The following RARB variants were observed in gnomAD, a reference collection of about 807,000 sequenced individuals.
The protein encoded by RARB is retinoic acid receptor beta.
A neutral mutation model predicts 51.9 loss-of-function variants in RARB; 17 were observed. The ratio of observed to expected loss-of-function variants is 0.33; its 90% CI spans 0.22 to 0.49. The LOEUF (loss-of-function observed/expected upper bound fraction) is 0.49. RARB is among the 20% of genes least tolerant of loss of function. The probability of loss-of-function intolerance (pLI) is 0.99; values close to 1 mark genes in which losing one functional copy is unlikely to be tolerated. For missense variants in RARB, 369 were observed against 550.8 expected, an observed-to-expected ratio of 0.67 and a Z score of 3.30; for synonymous variants, 215 against 195.4, an observed-to-expected ratio of 1.10 and a Z score of -0.84.
At chr3:24,878,408 C>A (rs778332357) in intron 2 of RARB, among the ~76,000 whole-genome samples, 17 of 151,580 alleles carry the variant, frequency 1.1e-4, no homozygotes, top group Non-Finnish European at 2.5e-4. Flanking sequence ...GTTTTACATG[C>A]TTTCCTCAGA....
chr3:25,282,629 C>G lies in RARB; in HGVS notation c.178+108054C>G, dbSNP rs147597076. Reference sequence around the variant, plus strand: ...ATAGATGGTGCTTGATAAATATTTGCTGAGTGGATCACGCGCTCACAGCAT... The same window carrying G: ...ATAGATGGTGCTTGATAAATATTTGGTGAGTGGATCACGCGCTCACAGCAT... On this transcript the variant is annotated intron_variant, in intron 5 of 11. Transcript: ENST00000383772. Among the ~76,000 whole-genome samples the G allele has an allele frequency of 3.4e-3, 517 of 152,266 alleles. 2 individuals carry two copies. The highest frequency in any genetic ancestry group is 0.012 in the African/African-American group (499 of 41,554).
intron 2 of RARB, among the ~76,000 whole-genome samples, chr3:25,016,812 C>T (rs1260702807): frequency 6.6e-6 from 1 of 152,038 alleles, no homozygotes; most frequent in Non-Finnish European, 1.5e-5. Flanking sequence ...ATCCTGTGCC[C>T]TCTCCACTCT....
intron 2 of RARB, among the ~76,000 whole-genome samples, chr3:25,017,625 C>T (rs1225899768): frequency 6.6e-6 from 1 of 152,114 alleles, no homozygotes; most frequent in Non-Finnish European, 1.5e-5. Flanking sequence ...AAGGTGGAAA[C>T]AGGAAGACAG....
chr3:25,141,773 C>G (rs1338596152), intron 4 of RARB, among the ~76,000 whole-genome samples: 1 of 152,104 alleles, frequency 6.6e-6, no homozygotes, highest in Admixed American at 6.6e-5. Flanking sequence ...AAGTATAAAT[C>G]AGTTTGGTAA....
At chr3:25,266,971 C>A (rs991307801) in intron 5 of RARB, among the ~76,000 whole-genome samples, 6 of 152,234 alleles carry the variant, frequency 3.9e-5, no homozygotes, top group Non-Finnish European at 5.9e-5. Flanking sequence ...CAGACTAACA[C>A]AATCACCAAC....
intron 3 of RARB, among the ~76,000 whole-genome samples, chr3:25,544,913 A>G (rs1172288506): frequency 6.6e-6 from 1 of 152,162 alleles, no homozygotes; most frequent in Non-Finnish European, 1.5e-5. Flanking sequence ...ATAGGATGTA[A>G]GAAATCAGGG....
At chr3:25,402,771 G>A (rs1284921764) in intron 5 of RARB, among the ~76,000 whole-genome samples, 2 of 152,112 alleles carry the variant, frequency 1.3e-5, no homozygotes. Flanking sequence ...TGAACTCATG[G>A]CCATAGAAAG....
At chr3:25,351,010 G>A (rs1045330113) in intron 5 of RARB, among the ~76,000 whole-genome samples, 5 of 152,126 alleles carry the variant, frequency 3.3e-5, no homozygotes, top group Non-Finnish European at 2.9e-5. Flanking sequence ...TCCCGTTTCC[G>A]AACACAGAGG....
intron 5 of RARB, among the ~76,000 whole-genome samples, chr3:25,588,938 C>G (rs1318430842): frequency 1.3e-5 from 2 of 152,162 alleles, no homozygotes; most frequent in Non-Finnish European, 2.9e-5. Flanking sequence ...TCACCATATT[C>G]TATTTGTTAA....
intron 5 of RARB, among the ~76,000 whole-genome samples, chr3:25,178,021 C>T (rs542790380): frequency 5.9e-5 from 9 of 152,156 alleles, no homozygotes; most frequent in African/African-American, 1.9e-4. Context: ...AGGTTTCTCC[C>T]GGTCCACATG....
intron 1 of RARB, among the ~76,000 whole-genome samples, chr3:25,441,787 T>C (rs1708697428): frequency 6.6e-6 from 1 of 152,236 alleles, no homozygotes; most frequent in African/African-American, 2.4e-5. Flanking sequence ...GTTTGTTTTG[T>C]TTTGTTGACT....
intron 3 of RARB, among the ~76,000 whole-genome samples, chr3:25,107,029 T>G (rs529950169): frequency 6.6e-6 from 1 of 152,192 alleles, no homozygotes; most frequent in South Asian, 2.1e-4. Context: ...GCCTCCCGAA[T>G]AGCTGGGATT....
At chr3:25,390,123 T>G (rs1384120831) in intron 5 of RARB, among the ~76,000 whole-genome samples, 1 of 152,092 alleles carries the variant, frequency 6.6e-6, no homozygotes, top group Non-Finnish European at 1.5e-5. Flanking sequence ...TATGATGACA[T>G]TAAGAGGTGG....
chr3:25,157,934 T>A (rs1700406173), intron 4 of RARB, among the ~76,000 whole-genome samples: 2 of 146,758 alleles, frequency 1.4e-5, no homozygotes, highest in South Asian at 4.3e-4. Context: ...CAGACTATTG[T>A]TTATCCAGAA....
intron 5 of RARB, among the ~76,000 whole-genome samples, chr3:25,311,404 A>G (rs1202208343): frequency 6.6e-6 from 1 of 152,270 alleles, no homozygotes; most frequent in East Asian, 1.9e-4. Flanking sequence ...GGTCGGTACT[A>G]AAGGATATCT....
At chr3:25,219,853 G>C (rs1452310951) in intron 5 of RARB, among the ~76,000 whole-genome samples, 1 of 152,194 alleles carries the variant, frequency 6.6e-6, no homozygotes, top group Non-Finnish European at 1.5e-5. Flanking sequence ...CATCCAAAGA[G>C]AGTAAAGCGT....
intron 3 of RARB, among the ~76,000 whole-genome samples, chr3:25,554,630 C>T (rs557708238): frequency 6.6e-6 from 1 of 152,220 alleles, no homozygotes; most frequent in Non-Finnish European, 1.5e-5. Flanking sequence ...TCACCATCAA[C>T]ACCTCCAGTA....
chr3:25,097,862 T>C (rs1490425331), intron 3 of RARB, among the ~76,000 whole-genome samples: 1 of 152,184 alleles, frequency 6.6e-6, no homozygotes, highest in Non-Finnish European at 1.5e-5. Context: ...ATCTTACCCC[T>C]ACTTTAACTT....
At chr3:24,924,690 G>A (rs1695281369) in intron 2 of RARB, among the ~76,000 whole-genome samples, 1 of 152,050 alleles carries the variant, frequency 6.6e-6, no homozygotes, top group African/African-American at 2.4e-5. Flanking sequence ...TTTTGAATAT[G>A]CCTGAATGTT....
Sources: gnomAD v4.1 joint callset for allele counts (sites outside exome capture counted in the v4.1 genomes callset) on GRCh38, gnomAD v4.1.1 for gene constraint, MANE v1.5 for transcripts, NCBI Gene and HGNC (gene_info 2026-07-23, HGNC 2026-07-21) for gene names.